ZNF217: variants seen among roughly 807,000 people sequenced by gnomAD.
The protein encoded by ZNF217 is zinc finger protein 217.
In ZNF217, 12 loss-of-function variants were observed where a neutral mutation model predicts 73.3. That is an observed-to-expected ratio of 0.16 (90% CI 0.10 to 0.27). ZNF217 has a LOEUF of 0.27. Ranked by LOEUF, ZNF217 falls within the 10% of genes least tolerant of loss-of-function variation. The pLI is 1.00. For synonymous variants in ZNF217, 588 were observed against 516.4 expected (o/e 1.14, Z -1.88); for missense variants, 1,195 against 1,327.8 (o/e 0.90, Z 1.55).
chr20:53,578,518 T>G lies in ZNF217; in HGVS notation c.1367-68A>C. 3 of 954,122 alleles carry G rather than the reference T, an allele frequency of 3.1e-6. 1 individual carries two copies. The South Asian group carries it at 5.4e-5, about 17-fold the overall frequency. The allele number at this position is 954,122 out of a possible 1,614,324, so 59.1% of individuals were successfully genotyped here. ...AGTACCTGAATAAGGCATGCTGACTTAAATATTCTTGACATAAACATTTTT... is the reference window on the plus strand; with the variant it reads ...AGTACCTGAATAAGGCATGCTGACTGAAATATTCTTGACATAAACATTTTT... On this transcript the variant is annotated intron_variant, in intron 2 of 5. Transcript: ENST00000371471.
chr20:53,585,110 A>C (rs1377493073), intron 1 of ZNF217, among the ~76,000 whole-genome samples: 4 of 150,560 alleles, frequency 2.7e-5, no homozygotes, highest in Non-Finnish European at 4.4e-5. Flanking sequence ...AAAAAAAAAA[A>C]AAAAAAAACT....
At chr20:53,571,955 T>C (rs1988030454) in intron 4 of ZNF217, 102 bp from the exon 5 acceptor site, 7 of 1,196,944 alleles carry the variant, frequency 5.8e-6, no homozygotes, top group South Asian at 1.7e-5. Context: ...ACACTGATAA[T>C]GTAATCAACG....
At chr20:53,575,670 G>T in intron 4 of ZNF217, 57 bp downstream of exon 4, 1 of 1,467,666 alleles carries the variant, frequency 6.8e-7, no homozygotes, top group Non-Finnish European at 9.0e-7. Context: ...AGAATGCCTG[G>T]ATTAGCTATT....
At chr20:53,590,542 G>A (rs1301414783) in intron 1 of ZNF217, among the ~76,000 whole-genome samples, 3 of 152,046 alleles carry the variant, frequency 2.0e-5, no homozygotes, top group East Asian at 1.9e-4. Flanking sequence ...GCAGTCAAGA[G>A]TCATTAAAAC....
At chr20:53,571,483 C>G (rs528944221) in intron 5 of ZNF217, among the ~76,000 whole-genome samples, 2 of 145,236 alleles carry the variant, frequency 1.4e-5, no homozygotes, top group East Asian at 4.2e-4. Flanking sequence ...CTCACTGCAA[C>G]CTCCGCCTCC....
chr20:53,571,727 T>C lies in ZNF217; in HGVS notation c.*17A>G, dbSNP rs780846810. The stretch of plus-strand genomic sequence containing the variant: ...AATTGAAACATATGCTCACCTTTTT[T>C]CCCCCTAATTAGTGAATCAAGTTTT... On this transcript the variant is annotated 3_prime_UTR_variant, in exon 5 of 6. Transcript: ENST00000371471. 46 of 1,607,298 alleles carry C rather than the reference T, an allele frequency of 2.9e-5. No homozygotes were observed. The highest frequency in any genetic ancestry group is 3.7e-5 in the Non-Finnish European group (44 of 1,178,196).
Position 53,583,173 on chromosome 20 carries a change from A to C in ZNF217, c.-342-5T>G, listed in dbSNP as rs1193553954. On this transcript the variant is annotated splice_polypyrimidine_tract_variant and splice_region_variant and intron_variant, in intron 1 of 5. Transcript: ENST00000371471. ...GAGACAAGGGATTTCCAAACCCTAG[A>C]GGAAAAAAAACAGAAACGGTTAGCT... 2.4e-6 allele frequency: 1 copy of C among 411,130 alleles called. No homozygotes were observed. Among genetic ancestry groups the C allele is most frequent in the African/African-American group, 2.1e-5 (1 of 48,710 alleles). The allele number at this position is 411,130 out of a possible 1,614,324, so 25.5% of individuals were successfully genotyped here.
intron 4 of ZNF217, among the ~76,000 whole-genome samples, chr20:53,574,153 T>G (rs1341272227): frequency 2.0e-5 from 3 of 152,124 alleles, no homozygotes; most frequent in African/African-American, 7.2e-5. Context: ...TACTGTATTA[T>G]CTAGGGAATT....
Position 53,581,450 on chromosome 20 carries a change from G to C in ZNF217, c.1366+11C>G, listed in dbSNP as rs1480538801. On this transcript the variant is annotated intron_variant, in intron 2 of 5. Coordinates refer to ENST00000371471, the MANE Select transcript of ZNF217 (RefSeq NM_006526.3). The surrounding 1 kb of genome is among the most constrained non-coding windows in gnomAD (Gnocchi z 4.9). Reference sequence around the variant, plus strand: ...GGCGGAACAGCACGGGACGGAGACAGGGCAGCTTACCCAGATGGATTCCTT... The same window carrying C: ...GGCGGAACAGCACGGGACGGAGACACGGCAGCTTACCCAGATGGATTCCTT... 6.3e-7 allele frequency: 1 copy of C among 1,597,190 alleles called. No homozygotes were observed. The highest frequency in any genetic ancestry group is 1.7e-5 in the Admixed American group (1 of 59,444).
At chr20:53,595,570 T>C (rs1989027809), upstream of ZNF217, among the ~76,000 whole-genome samples, 1 of 152,240 alleles carries the variant, frequency 6.6e-6, no homozygotes, top group Admixed American at 6.5e-5. Context: ...ACATATGGTC[T>C]GGTTAGTCTT....
At chr20:53,593,845 G>C (rs1270290604), upstream of ZNF217, 1 of 149,866 alleles carries the variant, frequency 6.7e-6, no homozygotes, top group Non-Finnish European at 1.5e-5. Context: ...TGAATGAGGA[G>C]GAGCGGGCGC....
At chr20:53,594,582 C>A (rs2145991597), upstream of ZNF217, among the ~76,000 whole-genome samples, 1 of 151,966 alleles carries the variant, frequency 6.6e-6, no homozygotes, top group Admixed American at 6.5e-5. Flanking sequence ...TCCCGCCATC[C>A]GGCTTAACGT....
intron 1 of ZNF217, among the ~76,000 whole-genome samples, chr20:53,588,635 C>CAT (rs1246916177): frequency 1.4e-4 from 21 of 145,038 alleles, no homozygotes; most frequent in African/African-American, 5.2e-4. Flanking sequence ...TACACACACA[C>CAT]ACACAACTAT....
At chr20:53,585,934 AGTCAATT>A (rs1187061217) in intron 1 of ZNF217, among the ~76,000 whole-genome samples, 2 of 152,154 alleles carry the variant, frequency 1.3e-5, no homozygotes, top group Non-Finnish European at 2.9e-5. Context: ...TGACTCTAAT[AGTCAATT>A]GTGACCAACT....
At chr20:53,590,824 T>C (rs1305353435) in intron 1 of ZNF217, among the ~76,000 whole-genome samples, 1 of 152,236 alleles carries the variant, frequency 6.6e-6, no homozygotes, top group Non-Finnish European at 1.5e-5. Context: ...CAGGCCATTA[T>C]ATTCCTTAAT....
At chr20:53,591,665 T>A (rs993191041) in intron 1 of ZNF217, among the ~76,000 whole-genome samples, 1 of 152,214 alleles carries the variant, frequency 6.6e-6, no homozygotes, top group Non-Finnish European at 1.5e-5. Context: ...TATCTACCAT[T>A]AAGGACACAC....
chr20:53,582,016 A>C lies in ZNF217; in HGVS notation c.811T>G (p.Leu271Val). 1.9e-6 allele frequency: 3 copies of C among 1,614,220 alleles called. No individual in the cohort carries two copies. Among genetic ancestry groups the C allele is most frequent in the Non-Finnish European group, 1.7e-6 (2 of 1,180,036 alleles). Residue 271 changes from leucine to valine, a missense_variant, in exon 2 of 6, where the codon TTG (leucine) becomes GTG (valine). Around this residue, in one of 9 missense-constraint regions of ZNF217, gnomAD observed 126 missense variants for 114.4 expected, o/e 1.10. Transcript: ENST00000371471. This position sits in a 1 kb window ranked among gnomAD's most constrained non-coding sequence, Gnocchi z 4.8. ...SREDFLQLFN[L>V]RPKSHPETGK... ...GTTTCAGGGTGAGATTTTGGTCTCA[A>C]GTTGAACAACTGCAGGAAGTCCTCC... is the stretch of plus-strand genomic sequence containing the variant.
At chr20:53,595,056 A>AC (rs1555811212), upstream of ZNF217, among the ~76,000 whole-genome samples, 1 of 149,470 alleles carries the variant, frequency 6.7e-6, no homozygotes, top group Non-Finnish European at 1.5e-5. Flanking sequence ...CAAAAAAAAA[A>AC]AAAAAAAAAC....
intron 5 of ZNF217, among the ~76,000 whole-genome samples, chr20:53,569,543 C>T (rs556508635): frequency 1.2e-4 from 18 of 152,118 alleles, no homozygotes; most frequent in African/African-American, 3.6e-4. Context: ...CCACCACGCC[C>T]GGCTAATTTT....
Sources: gnomAD v4.1 joint callset for allele counts (sites outside exome capture counted in the v4.1 genomes callset) on GRCh38, gnomAD v4.1.1 for gene constraint, gnomAD v4.1.1 regional missense constraint, Gnocchi (gnomAD v3.1) non-coding constraint, MANE v1.5 for transcripts, NCBI Gene and HGNC (gene_info 2026-07-23, HGNC 2026-07-21) for gene names.